The following RARB variants were observed in gnomAD, a reference collection of about 807,000 sequenced individuals.
RARB encodes HBV-activated protein.
In RARB, 17 loss-of-function variants were observed where a neutral mutation model predicts 51.9. The observed-to-expected ratio is 0.33, with a 90% confidence interval of 0.22 to 0.49. RARB has a LOEUF of 0.49. RARB is among the 20% of genes least tolerant of loss of function. The probability of loss-of-function intolerance (pLI) is 0.99; values close to 1 mark genes in which losing one functional copy is unlikely to be tolerated. For synonymous variants in RARB, 215 were observed against 195.4 expected (o/e 1.10, Z -0.84); for missense variants, 369 against 550.8 (o/e 0.67, Z 3.30).
At chr3:25,071,527 C>T (rs973636765) in intron 3 of RARB, among the ~76,000 whole-genome samples, 6 of 152,092 alleles carry the variant, frequency 3.9e-5, no homozygotes, top group Non-Finnish European at 4.4e-5. Flanking sequence ...TCTTGCCAAA[C>T]GGGAAAAACA....
intron 3 of RARB, among the ~76,000 whole-genome samples, chr3:25,520,848 T>C (rs1698371840): frequency 2.0e-5 from 3 of 152,210 alleles, no homozygotes; most frequent in Admixed American, 6.5e-5. Flanking sequence ...CAAAAAGGTA[T>C]GTAAAGCAAA....
At chr3:25,527,104 C>A (rs1318946171) in intron 3 of RARB, among the ~76,000 whole-genome samples, 1 of 152,182 alleles carries the variant, frequency 6.6e-6, no homozygotes, top group Admixed American at 6.5e-5. Flanking sequence ...ATCTGGGGAT[C>A]TTGATAAAAT....
chr3:25,367,946 C>T (rs1370122018), intron 5 of RARB, among the ~76,000 whole-genome samples: 1 of 151,916 alleles, frequency 6.6e-6, no homozygotes, highest in Non-Finnish European at 1.5e-5. Flanking sequence ...GTTTCATGCA[C>T]TGGGGCGGAC....
At chr3:25,453,056 A>AG (rs1344387577) in intron 1 of RARB, among the ~76,000 whole-genome samples, 1 of 152,184 alleles carries the variant, frequency 6.6e-6, no homozygotes, top group African/African-American at 2.4e-5. Context: ...ACCTGTGCAA[A>AG]GGGCAAGTTG....
intron 1 of RARB, among the ~76,000 whole-genome samples, chr3:24,829,567 G>A (rs1322866987): frequency 1.3e-5 from 2 of 152,146 alleles, no homozygotes; most frequent in Non-Finnish European, 2.9e-5. Context: ...CGGCGGGGCC[G>A]GGGGCTGGGG....
intron 5 of RARB, among the ~76,000 whole-genome samples, chr3:25,190,871 T>C (rs556637074): frequency 6.6e-6 from 1 of 152,160 alleles, no homozygotes; most frequent in South Asian, 2.1e-4. Context: ...TGTTGCCAGA[T>C]GTGCCATCAA....
chr3:25,383,790 C>A (rs920346633), intron 5 of RARB, among the ~76,000 whole-genome samples: 1 of 151,894 alleles, frequency 6.6e-6, no homozygotes, highest in East Asian at 1.9e-4. Context: ...CTTAGCCAGG[C>A]GTGGTGGCAG....
intron 2 of RARB, among the ~76,000 whole-genome samples, chr3:24,884,749 G>A (rs74757562): frequency 0.066 from 10,105 of 152,062 alleles, 443 homozygotes; most frequent in East Asian, 0.15. Context: ...TTTTGTCCTC[G>A]ATAACATCTA....
chr3:25,192,039 G>T (rs1014476399), intron 5 of RARB, among the ~76,000 whole-genome samples: 1 of 152,086 alleles, frequency 6.6e-6, no homozygotes, highest in African/African-American at 2.4e-5. Flanking sequence ...TTGCAAAAGT[G>T]TAACAATGAT....
chr3:24,889,609 CTAT>C (rs750478991), intron 2 of RARB, among the ~76,000 whole-genome samples: 9 of 150,810 alleles, frequency 6.0e-5, no homozygotes, highest in Non-Finnish European at 1.0e-4. Flanking sequence ...TTTTTAATTT[CTAT>C]TATTTGAGTG....
intron 2 of RARB, among the ~76,000 whole-genome samples, chr3:25,009,421 C>T (rs1697347153): frequency 6.6e-6 from 1 of 152,104 alleles, no homozygotes; most frequent in South Asian, 2.1e-4. Flanking sequence ...TACATCTCTG[C>T]TTTTATCCTC....
chr3:25,323,417 T>C (rs548075217), intron 5 of RARB, among the ~76,000 whole-genome samples: 54 of 152,320 alleles, frequency 3.5e-4, no homozygotes, highest in Admixed American at 9.1e-4. Flanking sequence ...AGGTGAATTT[T>C]TCCATTTGTG....
intron 4 of RARB, among the ~76,000 whole-genome samples, chr3:25,164,159 C>T (rs1164372279): frequency 6.6e-6 from 1 of 152,088 alleles, no homozygotes; most frequent in Non-Finnish European, 1.5e-5. Context: ...CTGGAAAGAA[C>T]TAGTTATTAT....
chr3:24,872,090 G>A (rs1246319264), intron 2 of RARB, among the ~76,000 whole-genome samples: 2 of 152,068 alleles, frequency 1.3e-5, no homozygotes, highest in South Asian at 2.1e-4. Context: ...TAAAGTCCTC[G>A]AATGATTCCC....
intron 2 of RARB, among the ~76,000 whole-genome samples, chr3:25,042,262 G>T (rs1698129199): frequency 6.6e-6 from 1 of 152,080 alleles, no homozygotes; most frequent in Non-Finnish European, 1.5e-5. Flanking sequence ...AACTCTACTT[G>T]TTCATCAACA....
chr3:24,831,186 A>G (rs895243650), intron 1 of RARB, among the ~76,000 whole-genome samples: 1 of 152,246 alleles, frequency 6.6e-6, no homozygotes, highest in Non-Finnish European at 1.5e-5. Flanking sequence ...TGGCTTGTGT[A>G]ACTGCTGAAT....
At chr3:25,554,906 T>G (rs1186006944) in intron 3 of RARB, among the ~76,000 whole-genome samples, 1 of 152,108 alleles carries the variant, frequency 6.6e-6, no homozygotes. Context: ...CTTCCACTTC[T>G]TATAAAGCCA....
chr3:25,312,865 A>T (rs1487369488), intron 5 of RARB, among the ~76,000 whole-genome samples: 1 of 151,922 alleles, frequency 6.6e-6, no homozygotes. Flanking sequence ...CCTCAATCTC[A>T]CCATTCCCTG....
intron 2 of RARB, among the ~76,000 whole-genome samples, chr3:25,036,772 A>G (rs1698003923): frequency 6.6e-6 from 1 of 152,184 alleles, no homozygotes; most frequent in Non-Finnish European, 1.5e-5. Context: ...CAAGCCATGC[A>G]GCCAACTAAC....
Sources: gnomAD v4.1 joint callset for allele counts (sites outside exome capture counted in the v4.1 genomes callset) on GRCh38, gnomAD v4.1.1 for gene constraint, MANE v1.5 for transcripts, NCBI Gene and HGNC (gene_info 2026-07-23, HGNC 2026-07-21) for gene names.